The following CCSER1 variants were observed in gnomAD, a reference collection of about 807,000 sequenced individuals.
CCSER1 encodes the protein serine-rich coiled-coil domain-containing protein 1.
A neutral mutation model predicts 82.0 loss-of-function variants in CCSER1; 41 were observed. The ratio of observed to expected loss-of-function variants is 0.50; its 90% CI spans 0.39 to 0.65. CCSER1 has a LOEUF of 0.65. Among genes scored for constraint, CCSER1 ranks in the 30% least tolerant of loss-of-function variants. CCSER1 has a pLI of 0.00. For synonymous variants in CCSER1, 414 were observed against 383.9 expected (o/e 1.08, Z -0.92); for missense variants, 1,119 against 1,064.2 (o/e 1.05, Z -0.72).
chr4:91,336,165 G>A (rs780790084), intron 10 of CCSER1, among the ~76,000 whole-genome samples: 1 of 152,086 alleles, frequency 6.6e-6, no homozygotes, highest in Non-Finnish European at 1.5e-5. Context: ...GTTGATAAGA[G>A]AATCTCCATC....
chr4:90,629,670 G>A (rs920717431), intron 6 of CCSER1, among the ~76,000 whole-genome samples: 4 of 152,086 alleles, frequency 2.6e-5, no homozygotes, highest in African/African-American at 4.8e-5. Context: ...CCTTCTCTGT[G>A]TCCCATACAG....
chr4:90,988,334 C>CAAAAAA (rs60408059), intron 9 of CCSER1, among the ~76,000 whole-genome samples: 42 of 75,380 alleles, frequency 5.6e-4, no homozygotes, highest in Middle Eastern at 9.1e-3. Flanking sequence ...TATCTTGTCT[C>CAAAAAA]AAAAAAAAAA....
At chr4:90,216,356 A>G (rs2153417627) in intron 1 of CCSER1, among the ~76,000 whole-genome samples, 1 of 152,298 alleles carries the variant, frequency 6.6e-6, no homozygotes, top group Admixed American at 6.5e-5. Flanking sequence ...GAAAGACTCA[A>G]AGGATTTCTC....
chr4:90,545,651 C>T (rs951382944), intron 5 of CCSER1, among the ~76,000 whole-genome samples: 15 of 152,042 alleles, frequency 9.9e-5, no homozygotes, highest in Non-Finnish European at 2.1e-4. Flanking sequence ...TTCACTTTCC[C>T]TTTAGATACT....
At chr4:90,394,074 C>T (rs1751615187) in intron 3 of CCSER1, among the ~76,000 whole-genome samples, 1 of 151,438 alleles carries the variant, frequency 6.6e-6, no homozygotes, top group Non-Finnish European at 1.5e-5. Context: ...GCCACTATGC[C>T]CAGCTGAATG....
intron 9 of CCSER1, among the ~76,000 whole-genome samples, chr4:91,046,810 C>T (rs1164330260): frequency 6.6e-6 from 1 of 151,990 alleles, no homozygotes; most frequent in Non-Finnish European, 1.5e-5. Context: ...CCGCACCTCC[C>T]AGGTTCAAGC....
At chr4:90,437,942 G>T (rs1240461609) in intron 4 of CCSER1, among the ~76,000 whole-genome samples, 1 of 152,112 alleles carries the variant, frequency 6.6e-6, no homozygotes, top group African/African-American at 2.4e-5. Flanking sequence ...TATGGACTTT[G>T]AGATAAGAGA....
At chr4:90,435,447 G>T (rs1202029011) in intron 4 of CCSER1, among the ~76,000 whole-genome samples, 1 of 152,078 alleles carries the variant, frequency 6.6e-6, no homozygotes, top group African/African-American at 2.4e-5. Flanking sequence ...ATCATGTACT[G>T]AGGAAGAAAC....
At chr4:91,569,594 C>T (rs1343776508) in intron 10 of CCSER1, among the ~76,000 whole-genome samples, 1 of 152,076 alleles carries the variant, frequency 6.6e-6, no homozygotes, top group African/African-American at 2.4e-5. Flanking sequence ...GAATGAGTGC[C>T]AGCAGGGTAA....
At chr4:91,502,576 G>T (rs936225676) in intron 10 of CCSER1, among the ~76,000 whole-genome samples, 3 of 152,114 alleles carry the variant, frequency 2.0e-5, no homozygotes, top group South Asian at 4.1e-4. Flanking sequence ...AGTTGATGAA[G>T]TTGAAGCACT....
At chr4:90,234,644 C>A (rs1249184070) in intron 1 of CCSER1, among the ~76,000 whole-genome samples, 2 of 152,132 alleles carry the variant, frequency 1.3e-5, no homozygotes, top group African/African-American at 4.8e-5. Flanking sequence ...TCAAGCTGAT[C>A]ATTATTGAGT....
chr4:91,539,486 A>C (rs2110191422), intron 10 of CCSER1, among the ~76,000 whole-genome samples: 1 of 152,146 alleles, frequency 6.6e-6, no homozygotes, highest in South Asian at 2.1e-4. Context: ...CTGCTATTTT[A>C]CTGGGATTTC....
intron 9 of CCSER1, among the ~76,000 whole-genome samples, chr4:91,002,907 G>A (rs986684182): frequency 6.6e-6 from 1 of 152,144 alleles, no homozygotes; most frequent in Non-Finnish European, 1.5e-5. Context: ...GGGGCTGAAG[G>A]CTGCTGTTCA....
At chr4:90,518,421 A>G (rs1474947834) in intron 5 of CCSER1, among the ~76,000 whole-genome samples, 4 of 152,098 alleles carry the variant, frequency 2.6e-5, no homozygotes, top group Admixed American at 6.5e-5. Flanking sequence ...ATTATTTTCT[A>G]CTAGGATATT....
intron 7 of CCSER1, among the ~76,000 whole-genome samples, chr4:90,778,218 A>G (rs1264417328): frequency 6.6e-6 from 1 of 152,154 alleles, no homozygotes. Flanking sequence ...AAAATTTAGG[A>G]CTAACAAAGC....
chr4:90,249,822 GT>G, intron 1 of CCSER1, among the ~76,000 whole-genome samples: 1 of 152,054 alleles, frequency 6.6e-6, no homozygotes, highest in Admixed American at 6.5e-5. Flanking sequence ...CTGCCAACAT[GT>G]TTTTCAACAC....
chr4:91,394,200 G>T (rs1244429333), intron 10 of CCSER1, among the ~76,000 whole-genome samples: 1 of 151,856 alleles, frequency 6.6e-6, no homozygotes, highest in South Asian at 2.1e-4. Flanking sequence ...AATCATATGA[G>T]GGTTTTCAGA....
At chr4:90,360,264 C>T (rs1317241138) in intron 3 of CCSER1, among the ~76,000 whole-genome samples, 11 of 148,804 alleles carry the variant, frequency 7.4e-5, no homozygotes, top group Non-Finnish European at 1.6e-4. Context: ...CGTGGTGGCT[C>T]ACGCCTGTAA....
chr4:90,782,724 C>T (rs1753962692), intron 7 of CCSER1, among the ~76,000 whole-genome samples: 1 of 144,642 alleles, frequency 6.9e-6, no homozygotes, highest in African/African-American at 2.6e-5. Context: ...CTCTGTCGCC[C>T]GGGCTGGAGT....
Sources: gnomAD v4.1 joint callset for allele counts (sites outside exome capture counted in the v4.1 genomes callset) on GRCh38, gnomAD v4.1.1 for gene constraint, MANE v1.5 for transcripts, NCBI Gene and HGNC (gene_info 2026-07-23, HGNC 2026-07-21) for gene names.